TTC6: variants seen among roughly 807,000 people sequenced by gnomAD.
TTC6 encodes tetratricopeptide repeat protein 6.
TTC6 carries 172 observed loss-of-function variants against 210.4 expected under a neutral mutation model. The ratio of observed to expected loss-of-function variants is 0.82; its 90% CI spans 0.72 to 0.93. The LOEUF is 0.93. TTC6 is among the 40% of genes least tolerant of loss of function. The pLI is 0.00. For synonymous variants in TTC6, 804 were observed against 819.6 expected, an observed-to-expected ratio of 0.98 and a Z score of 0.32; for missense variants, 2,414 against 2,318.1, an observed-to-expected ratio of 1.04 and a Z score of -0.85.
intron 20 of TTC6, chr14:37,802,484 A>G (rs972658333): frequency 6.6e-6 from 1 of 152,234 alleles, no homozygotes; most frequent in African/African-American, 2.4e-5. Context: ...CTTGGAAGCT[A>G]ATTCTCCCAG....
At chr14:37,701,458 T>C in exon 5 of TTC6, 4 of 1,526,704 alleles carry the variant, frequency 2.6e-6, no homozygotes, top group African/African-American at 1.4e-5. Flanking sequence ...AAGGCCACGA[T>C]ACCCTGCTTG....
chr14:37,778,265 G>A (rs1429829099), intron 14 of TTC6, among the ~76,000 whole-genome samples: 12 of 152,144 alleles, frequency 7.9e-5, no homozygotes, highest in Admixed American at 7.2e-4. Flanking sequence ...GCAGGGTTGG[G>A]TAGGGGTTCA....
chr14:37,783,515 C>T (rs1238165420), intron 14 of TTC6, among the ~76,000 whole-genome samples: 1 of 151,954 alleles, frequency 6.6e-6, no homozygotes, highest in Admixed American at 6.6e-5. Context: ...TTTGATTCTT[C>T]TTCCTTTTTT....
At chr14:37,816,302 T>C (rs2096141645) in intron 25 of TTC6, among the ~76,000 whole-genome samples, 1 of 151,986 alleles carries the variant, frequency 6.6e-6, no homozygotes. Flanking sequence ...CAGCAGAAAA[T>C]TTATCCTACC....
At chr14:37,839,319 C>G (rs1292797481) in intron 29 of TTC6, among the ~76,000 whole-genome samples, 1 of 152,146 alleles carries the variant, frequency 6.6e-6, no homozygotes, top group African/African-American at 2.4e-5. Flanking sequence ...TGTTTTCTGA[C>G]TTTTTAATGA....
intron 14 of TTC6, among the ~76,000 whole-genome samples, chr14:37,786,703 G>A (rs533845549): frequency 5.3e-5 from 8 of 152,336 alleles, no homozygotes; most frequent in South Asian, 2.1e-4. Flanking sequence ...GGAATCACCC[G>A]TCTTCTGCAT....
At chr14:37,680,064 C>A in intron 1 of TTC6, 87 bp from the exon 4 acceptor site, 2 of 720,260 alleles carry the variant, frequency 2.8e-6, no homozygotes. Context: ...ATTTACTACA[C>A]AAATTGACTA....
At chr14:37,744,717 G>A (rs924974077) in intron 10 of TTC6, among the ~76,000 whole-genome samples, 2 of 152,114 alleles carry the variant, frequency 1.3e-5, no homozygotes, top group African/African-American at 2.4e-5. Context: ...TATAGGTTAT[G>A]GTAAAGACTT....
chr14:37,748,851 G>T (rs2095943598), intron 10 of TTC6, 88 bp from the exon 13 acceptor site: 1 of 1,016,158 alleles, frequency 9.8e-7, no homozygotes. Flanking sequence ...ATAACAAATA[G>T]TAGTTTTATG....
intron 22 of TTC6, 79 bp from the exon 25 acceptor site, chr14:37,807,241 C>A: frequency 7.7e-7 from 1 of 1,304,568 alleles, no homozygotes; most frequent in Non-Finnish European, 1.0e-6. Context: ...TAGATTTGTT[C>A]CAAGTAGCAT....
At chr14:37,671,328 A>G (rs1023843785) in intron 1 of TTC6, among the ~76,000 whole-genome samples, 2 of 152,138 alleles carry the variant, frequency 1.3e-5, no homozygotes, top group Admixed American at 1.3e-4. Flanking sequence ...ATAGCCACAC[A>G]CTGTAATTTC....
chr14:37,782,506 A>G (rs1187854330), intron 14 of TTC6, among the ~76,000 whole-genome samples: 6 of 152,124 alleles, frequency 3.9e-5, no homozygotes, highest in African/African-American at 1.4e-4. Flanking sequence ...GAAGTTGCTT[A>G]TCAGCTTAAG....
intron 1 of TTC6, among the ~76,000 whole-genome samples, chr14:37,625,410 T>C (rs2095658536): frequency 6.6e-6 from 1 of 151,522 alleles, no homozygotes; most frequent in Non-Finnish European, 1.5e-5. Flanking sequence ...TAGCCGGGCG[T>C]GGTGGCAGGC....
chr14:37,713,954 T>C (rs2095848586), intron 5 of TTC6, among the ~76,000 whole-genome samples: 1 of 152,214 alleles, frequency 6.6e-6, no homozygotes, highest in South Asian at 2.1e-4. Context: ...ATTATGTATG[T>C]GGCACATGAC....
Position 37,701,510 on chromosome 14 carries a change from G to T in TTC6, c.1555G>T (p.Glu519Ter). The change falls in exon 5 of 31, where the codon GAA (glutamate) becomes TAA (stop). Residue 519 changes from glutamate to a stop codon, truncating the protein, a stop_gained. Transcript: ENST00000553443. LOFTEE classifies it high-confidence loss of function. ...TTTCTTAGATGATCGCTTTACAGAT[G>T]AAGAACAAACAGATAGGTAAGAGTT... 6.7e-7 allele frequency: 1 copy of T among 1,491,918 alleles called. No individual in the cohort carries two copies. The highest frequency in any genetic ancestry group is 1.3e-5 in the South Asian group (1 of 75,854). 92.4% of individuals were successfully genotyped at this position (1,491,918 alleles called of 1,614,324 possible).
chr14:37,714,900 A>G, intron 6 of TTC6, 104 bp downstream of exon 8: 6 of 1,089,756 alleles, frequency 5.5e-6, no homozygotes, highest in Middle Eastern at 2.7e-4. Flanking sequence ...AGGGCTGGCC[A>G]GGTGTGGTAG....
intron 20 of TTC6, chr14:37,802,224 T>TG (rs1293859172): frequency 6.6e-6 from 1 of 151,814 alleles, no homozygotes; most frequent in Non-Finnish European, 1.5e-5. Flanking sequence ...CAACACACAC[T>TG]GGGGCCTGTA....
intron 24 of TTC6, among the ~76,000 whole-genome samples, chr14:37,811,984 A>G (rs1279869169): frequency 6.6e-6 from 1 of 152,180 alleles, no homozygotes; most frequent in Non-Finnish European, 1.5e-5. Flanking sequence ...AATCACAGCA[A>G]CAGTCATTTG....
chr14:37,624,247 T>G (rs930831745), intron 1 of TTC6, among the ~76,000 whole-genome samples: 2 of 152,166 alleles, frequency 1.3e-5, no homozygotes, highest in Admixed American at 6.5e-5. Flanking sequence ...TGAACAAGAT[T>G]AGGGTGACTG....
Sources: allele counts gnomAD v4.1 joint callset (sites outside exome capture counted in the v4.1 genomes callset), GRCh38; gene constraint gnomAD v4.1.1; transcripts MANE v1.5; gene names NCBI Gene and HGNC (gene_info 2026-07-23, HGNC 2026-07-21).